Variants in ARFGEF3 observed in about 807,000 individuals in gnomAD.
ARFGEF3 encodes the protein brefeldin A-inhibited guanine nucleotide-exchange protein 3.
Under a neutral mutation model 221.7 loss-of-function variants are expected in ARFGEF3, and 96 were observed. The observed-to-expected ratio is 0.43, with a 90% CI of 0.37 to 0.51. ARFGEF3 has a LOEUF of 0.51. ARFGEF3 is among the 20% of genes least tolerant of loss of function. The pLI, the probability that ARFGEF3 is intolerant of heterozygous loss-of-function variation, is 0.00. For synonymous variants in ARFGEF3, 1,145 were observed against 1,126.8 expected (o/e 1.02, Z -0.32); for missense variants, 2,410 against 2,789.9 (o/e 0.86, Z 3.07).
At chr6:138,202,723 G>T (rs1332874458) in intron 2 of ARFGEF3, among the ~76,000 whole-genome samples, 1 of 150,332 alleles carries the variant, frequency 6.7e-6, no homozygotes, top group African/African-American at 2.4e-5. Flanking sequence ...TTCATTTTAA[G>T]TAAATATCTG....
Position 138,311,514 on chromosome 6 carries a change from G to A in ARFGEF3, c.4200+4G>A. The A allele has an allele frequency of 6.3e-7, 1 of 1,579,652 alleles. No individual in the cohort carries two copies. Among genetic ancestry groups the A allele is most frequent in the Middle Eastern group, 1.7e-4 (1 of 5,972 alleles). ...TTACCTCAGGCGCTGCTCTCAGGTA[G>A]GGGAATGGTCCAGCTGGGCTCCCGG... On this transcript the variant is annotated splice_donor_region_variant and intron_variant, in intron 25 of 33. Transcript: ENST00000251691.
intron 4 of ARFGEF3, among the ~76,000 whole-genome samples, chr6:138,227,002 C>T (rs1778096783): frequency 6.6e-6 from 1 of 151,722 alleles, no homozygotes; most frequent in African/African-American, 2.4e-5. Context: ...ATGTGCTTTA[C>T]TTTCCTTTCA....
chr6:138,210,035 G>A lies in ARFGEF3; in HGVS notation c.345G>A (p.Val115=). The A allele has an allele frequency of 6.2e-7, 1 of 1,613,568 alleles. No homozygotes were observed. Among genetic ancestry groups the A allele is most frequent in the Non-Finnish European group, 8.5e-7 (1 of 1,179,674 alleles). ...TCAACGAGGACCTGCAGGTGGAAGT[G>A]ATGAAGGTTGGTTTGACGTGGCCAA... ...PSLNEDLQVE[V]MKVLLCITYT... is the part of the protein sequence containing the mutation. The change falls in exon 4 of 34, where the codon GTG becomes GTA. Residue 115 remains valine (V), a synonymous_variant. Coordinates refer to ENST00000251691, the MANE Select transcript of ARFGEF3 (RefSeq NM_020340.5).
chr6:138,244,900 A>G (rs1329175195), intron 7 of ARFGEF3, among the ~76,000 whole-genome samples: 1 of 152,214 alleles, frequency 6.6e-6, no homozygotes, highest in Non-Finnish European at 1.5e-5. Flanking sequence ...GTCCATCAAG[A>G]TGTTTTTGAA....
chr6:138,273,690 G>A (rs1454186397), intron 12 of ARFGEF3, among the ~76,000 whole-genome samples: 1 of 152,050 alleles, frequency 6.6e-6, no homozygotes, highest in African/African-American at 2.4e-5. Flanking sequence ...GTGTAACTTT[G>A]GGCAAATTAC....
chr6:138,284,649 T>G (rs1199979373), intron 14 of ARFGEF3, among the ~76,000 whole-genome samples: 1 of 152,178 alleles, frequency 6.6e-6, no homozygotes. Context: ...GAGGATCCAG[T>G]ATAGAGCTGG....
intron 10 of ARFGEF3, among the ~76,000 whole-genome samples, chr6:138,258,550 G>A (rs992137332): frequency 3.9e-5 from 6 of 152,088 alleles, no homozygotes; most frequent in South Asian, 4.1e-4. Flanking sequence ...ACCACTGATC[G>A]GGTTCTTCTT....
intron 2 of ARFGEF3, among the ~76,000 whole-genome samples, chr6:138,203,160 G>T (rs76233577): frequency 1.8e-5 from 2 of 111,962 alleles, no homozygotes; most frequent in Non-Finnish European, 3.3e-5. Flanking sequence ...TTGTGTGTAT[G>T]TGTGTGTGTG....
At chr6:138,215,632 G>A (rs934238962) in intron 4 of ARFGEF3, among the ~76,000 whole-genome samples, 4 of 152,100 alleles carry the variant, frequency 2.6e-5, no homozygotes, top group Non-Finnish European at 5.9e-5. Flanking sequence ...GCTTGTGGGT[G>A]CTAGTCACTG....
intron 4 of ARFGEF3, among the ~76,000 whole-genome samples, chr6:138,215,324 G>T (rs1041138141): frequency 6.6e-6 from 1 of 152,160 alleles, no homozygotes; most frequent in Non-Finnish European, 1.5e-5. Context: ...AGGGCAGGCT[G>T]GCTTTGGCGA....
intron 22 of ARFGEF3, among the ~76,000 whole-genome samples, chr6:138,306,888 T>C (rs1779734043): frequency 6.6e-6 from 1 of 151,040 alleles, no homozygotes; most frequent in Non-Finnish European, 1.5e-5. Context: ...AAGTAAAACT[T>C]TTAAAAAGTC....
rs1248262927 is a variant in ARFGEF3, at chr6:138,253,942, C to T, written c.728C>T (p.Ser243Phe). Residue 243 changes from serine (S) to phenylalanine (F), a missense_variant, in exon 9 of 34, where the codon TCC becomes TTC. Coordinates refer to ENST00000251691, the MANE Select transcript of ARFGEF3 (RefSeq NM_020340.5). ...ATCCTGTCTGTGCTCAGCAGCTCCT[C>T]CTCCTCCATGCACCTGCACAGGCGC... ...ECILSVLSSS[S>F]SSMHLHRRFT... The T allele has an allele frequency of 6.3e-7, 1 of 1,598,584 alleles. No individual in the cohort carries two copies. Among genetic ancestry groups the T allele is most frequent in the Non-Finnish European group, 8.5e-7 (1 of 1,172,902 alleles).
At chr6:138,303,838 G>A (rs924606490) in intron 22 of ARFGEF3, among the ~76,000 whole-genome samples, 6 of 120,962 alleles carry the variant, frequency 5.0e-5, no homozygotes, top group African/African-American at 1.9e-4. Flanking sequence ...CCCCAGCCTG[G>A]AGACAGAGTG....
intron 29 of ARFGEF3, among the ~76,000 whole-genome samples, chr6:138,322,083 T>C (rs564977825): frequency 1.3e-5 from 2 of 152,170 alleles, no homozygotes; most frequent in East Asian, 1.9e-4. Context: ...AACATTTGAA[T>C]TGGTGGAGAT....
rs546097631 is a variant in ARFGEF3, at chr6:138,311,882, TTAA to T, written c.4200+376_4200+378del. Among the ~76,000 whole-genome samples, 746 of 152,110 alleles carry T rather than the reference TTAA, an allele frequency of 4.9e-3. 7 individuals are homozygous for T. The highest frequency in any genetic ancestry group is 0.017 in the African/African-American group (699 of 41,496). ...GGGGTGCAAGCAGTGAAGAGGGACA[TTAA>T]TAAAAGAAAGACATGCTCAGTCAAG... is the stretch of plus-strand genomic sequence containing the variant. On this transcript the variant is annotated intron_variant, in intron 25 of 33. Transcript: ENST00000251691.
At position 138,277,775 on chromosome 6, in the gene ARFGEF3, T is replaced by A. The variant is rs1779124176; in HGVS notation, c.2129-676T>A. 2.0e-5 allele frequency among the ~76,000 whole-genome samples: 3 copies of A among 152,204 alleles called. No individual in the cohort carries two copies. The South Asian group carries it at 6.2e-4, about 31-fold the overall frequency. ...ATGGCAGATGATAAACAAGTATATG[T>A]TAATATAAAACTGGGTAGAATAAAT... On this transcript the variant is annotated intron_variant, in intron 12 of 33. Coordinates refer to ENST00000251691, the MANE Select transcript of ARFGEF3 (RefSeq NM_020340.5).
At chr6:138,170,134 C>A (rs1215084305) in intron 1 of ARFGEF3, among the ~76,000 whole-genome samples, 1 of 152,160 alleles carries the variant, frequency 6.6e-6, no homozygotes, top group African/African-American at 2.4e-5. Context: ...GTTGGATTAA[C>A]AAGATTTGGA....
At chr6:138,316,089 C>T (rs80332718) in intron 26 of ARFGEF3, among the ~76,000 whole-genome samples, 2,158 of 152,136 alleles carry the variant, frequency 0.014, 46 homozygotes, top group African/African-American at 0.05. Context: ...CAGTTGTAAA[C>T]GGTTGGGTAT....
In ARFGEF3 at chr6:138,328,455, G is replaced by A. The variant is rs372179796; in HGVS notation, c.5123+313G>A. Among the ~76,000 whole-genome samples the A allele has an allele frequency of 4.7e-4, 72 of 152,312 alleles. 1 individual carries two copies. The highest frequency in any genetic ancestry group is 1.6e-3 in the African/African-American group (68 of 41,574). On this transcript the variant is annotated intron_variant, in intron 32 of 33. Coordinates refer to ENST00000251691, the MANE Select transcript of ARFGEF3 (RefSeq NM_020340.5). The stretch of plus-strand genomic sequence containing the variant: ...CCTCCGAGGTCTATCTCCTTGACCT[G>A]TAGATGACCATTTTCTTCCTGTGTC...
Sources: gnomAD v4.1 joint callset for allele counts (sites outside exome capture counted in the v4.1 genomes callset) on GRCh38, gnomAD v4.1.1 for gene constraint, MANE v1.5 for transcripts, NCBI Gene and HGNC (gene_info 2026-07-23, HGNC 2026-07-21) for gene names.